The following SLC15A5 variants were observed in gnomAD, a reference collection of about 807,000 sequenced individuals.
SLC15A5 encodes the protein solute carrier family 15 member 5.
In SLC15A5, 58 loss-of-function variants were observed where a neutral mutation model predicts 56.1. That is an observed-to-expected ratio of 1.03 (90% CI 0.84 to 1.29). The LOEUF (loss-of-function observed/expected upper bound fraction) is 1.29, where lower values mean the gene tolerates loss of function less well. Ranked by LOEUF, SLC15A5 falls within the 50% of genes most tolerant of loss-of-function variation. SLC15A5 has a pLI of 0.00. For synonymous variants in SLC15A5, 264 were observed against 250.5 expected (o/e 1.05, Z -0.51); for missense variants, 681 against 672.1 (o/e 1.01, Z -0.15).
chr12:16,275,502 G>C (rs1229562794), intron 1 of SLC15A5, among the ~76,000 whole-genome samples: 1 of 152,032 alleles, frequency 6.6e-6, no homozygotes, highest in East Asian at 1.9e-4. Context: ...GCTGGAGACT[G>C]ACTGAGAACT....
intron 5 of SLC15A5, among the ~76,000 whole-genome samples, chr12:16,230,757 C>A (rs1334076816): frequency 8.3e-4 from 108 of 129,458 alleles, no homozygotes; most frequent in Non-Finnish European, 9.5e-4. Flanking sequence ...ACTAAAAATA[C>A]AAAAAAAAAA....
Position 16,237,035 on chromosome 12 carries a change from G to C in SLC15A5, c.1162+2646C>G, listed in dbSNP as rs1442677718. On this transcript the variant is annotated intron_variant, in intron 5 of 8. Transcript: ENST00000344941. The surrounding 1 kb of genome is among the most constrained non-coding windows in gnomAD (Gnocchi z 4.1). The stretch of plus-strand genomic sequence containing the variant: ...GATTAAATGTAATATGTGTATGAAG[G>C]TTCCTAAATTCAAATTAGGAACTCA... 1.3e-5 allele frequency among the ~76,000 whole-genome samples: 2 copies of C among 152,052 alleles called. No homozygotes were observed. The highest frequency in any genetic ancestry group is 1.5e-5 in the Non-Finnish European group (1 of 68,002).
intron 5 of SLC15A5, among the ~76,000 whole-genome samples, chr12:16,233,275 T>C (rs1864316064): frequency 6.6e-6 from 1 of 152,194 alleles, no homozygotes; most frequent in African/African-American, 2.4e-5. Context: ...TTTTTTTCTC[T>C]GTAAAAGGCC....
intron 7 of SLC15A5, among the ~76,000 whole-genome samples, chr12:16,214,559 A>G (rs1233241936): frequency 2.6e-5 from 4 of 152,164 alleles, no homozygotes; most frequent in East Asian, 1.9e-4. Flanking sequence ...CAATGATTCA[A>G]TCAATGGTGC....
chr12:16,244,126 T>G (rs919060955), intron 4 of SLC15A5, among the ~76,000 whole-genome samples: 1 of 152,180 alleles, frequency 6.6e-6, no homozygotes, highest in Admixed American at 6.5e-5. Context: ...GAGAATCACT[T>G]GCTCATTAGT....
At chr12:16,275,174 C>A (rs1041242925) in intron 1 of SLC15A5, among the ~76,000 whole-genome samples, 4 of 151,930 alleles carry the variant, frequency 2.6e-5, no homozygotes, top group Admixed American at 2.0e-4. Context: ...AAGCTAGCAA[C>A]AAACACTATT....
At chr12:16,242,618 T>C (rs1449375687) in intron 4 of SLC15A5, among the ~76,000 whole-genome samples, 2 of 152,252 alleles carry the variant, frequency 1.3e-5, no homozygotes, top group Non-Finnish European at 2.9e-5. Flanking sequence ...TATTAGTTTC[T>C]GTGCTTTGCA....
At chr12:16,197,752 CTTTT>C (rs35667399) in intron 7 of SLC15A5, among the ~76,000 whole-genome samples, 1 of 146,174 alleles carries the variant, frequency 6.8e-6, no homozygotes. Context: ...TTCTGTATGC[CTTTT>C]TTTTTTTTTT....
Position 16,242,091 on chromosome 12 carries a change from C to T in SLC15A5, c.976-2224G>A, listed in dbSNP as rs145024085. 1.1e-4 allele frequency among the ~76,000 whole-genome samples: 16 copies of T among 152,166 alleles called. No individual in the cohort carries two copies. In the East Asian group the frequency reaches 1.7e-3, roughly 17 times the overall value. ...AATGTCAAATGGCAACCTCATCAGC[C>T]GTAATATCAACATATTTTAGATGTA... On this transcript the variant is annotated intron_variant, in intron 4 of 8. Transcript: ENST00000344941.
intron 3 of SLC15A5, among the ~76,000 whole-genome samples, chr12:16,250,598 C>T (rs541837441): frequency 1.4e-4 from 22 of 151,944 alleles, no homozygotes; most frequent in Admixed American, 1.2e-3. Flanking sequence ...AGCGAAAGTA[C>T]GCAATGAAGA....
chr12:16,265,286 A>G (rs920259111), intron 2 of SLC15A5, among the ~76,000 whole-genome samples: 3 of 152,084 alleles, frequency 2.0e-5, no homozygotes, highest in African/African-American at 7.2e-5. Context: ...AAGTGGATAG[A>G]TATGTGATAT....
intron 7 of SLC15A5, among the ~76,000 whole-genome samples, chr12:16,208,603 G>C (rs1591642229): frequency 6.6e-6 from 1 of 152,106 alleles, no homozygotes; most frequent in Non-Finnish European, 1.5e-5. Flanking sequence ...GGAGTTTAAG[G>C]CTGCAGTGAG....
chr12:16,244,873 G>C, intron 3 of SLC15A5, 73 bp from the exon 4 acceptor site: 1 of 1,435,590 alleles, frequency 7.0e-7, no homozygotes, highest in East Asian at 2.5e-5. Context: ...TGATCAGAAA[G>C]ATAACGATTC....
intron 2 of SLC15A5, among the ~76,000 whole-genome samples, chr12:16,266,062 C>T (rs982297445): frequency 7.9e-5 from 12 of 152,140 alleles, no homozygotes; most frequent in African/African-American, 2.2e-4. Flanking sequence ...GAACATGGAA[C>T]GTGACCACAT....
chr12:16,201,624 T>C lies in SLC15A5; in HGVS notation c.1484-7171A>G, dbSNP rs556647877. Among the ~76,000 whole-genome samples, 18 of 152,258 alleles carry C rather than the reference T, an allele frequency of 1.2e-4. 1 individual carries two copies. In the South Asian group the frequency reaches 3.7e-3, roughly 32 times the overall value. On this transcript the variant is annotated intron_variant, in intron 7 of 8. Transcript: ENST00000344941. ...TGTTCTCATGATAGTGAGTGAGTTA[T>C]CAGGAGATCTGATGGTTTTATAAGG...
intron 5 of SLC15A5, among the ~76,000 whole-genome samples, chr12:16,225,715 G>A (rs887465748): frequency 2.0e-5 from 3 of 152,146 alleles, no homozygotes; most frequent in Admixed American, 6.5e-5. Context: ...CATCATCACG[G>A]GCCATCAGAG....
In SLC15A5 at chr12:16,239,686, C is replaced by T. The variant is rs1489292953; in HGVS notation, c.1157G>A (p.Cys386Tyr). The change falls in exon 5 of 9, where the codon TGC becomes TAC. Residue 386 changes from cysteine to tyrosine, a missense_variant. Physicochemically the swap from Cys to Tyr is radical, Grantham distance 194. Coordinates refer to ENST00000344941, the MANE Select transcript of SLC15A5 (RefSeq NM_001170798.1). ...SKRVGSFLST[C>Y]IIAGNLFAAL... ...AATGGTTAAATTGTACTTACTGATG[C>T]ATGTTGACAGAAATGATCCAACTCT... The T allele has an allele frequency of 6.5e-7, 1 of 1,536,022 alleles. No individual in the cohort carries two copies. The highest frequency in any genetic ancestry group is 2.0e-5 in the Admixed American group (1 of 50,728).
intron 6 of SLC15A5, among the ~76,000 whole-genome samples, chr12:16,218,413 C>T (rs2417545): frequency 0.56 from 84,482 of 151,922 alleles, 23,760 homozygotes; most frequent in South Asian, 0.74. Flanking sequence ...TGCAGTCATG[C>T]GTGGCTTAAT....
At chr12:16,201,360 TC>T (rs1370617271) in intron 7 of SLC15A5, among the ~76,000 whole-genome samples, 1 of 152,046 alleles carries the variant, frequency 6.6e-6, no homozygotes, top group African/African-American at 2.4e-5. Context: ...AGCTATAGTA[TC>T]AAAACAGCAT....
Sources: allele counts gnomAD v4.1 joint callset (sites outside exome capture counted in the v4.1 genomes callset), GRCh38; gene constraint gnomAD v4.1.1; non-coding constraint Gnocchi (gnomAD v3.1); transcripts MANE v1.5; gene names NCBI Gene and HGNC (gene_info 2026-07-23, HGNC 2026-07-21).